Variants in KIF3C observed in about 807,000 individuals in gnomAD.
KIF3C encodes the protein kinesin family member 3C.
In KIF3C, 12 loss-of-function variants were observed where a neutral mutation model predicts 67.7. The observed-to-expected ratio is 0.18, with a 90% CI of 0.11 to 0.29. The LOEUF (loss-of-function observed/expected upper bound fraction) is 0.29, where lower values mean the gene tolerates loss of function less well. Ranked by LOEUF, KIF3C falls within the 10% of genes least tolerant of loss-of-function variation. The probability of loss-of-function intolerance (pLI) is 1.00; values close to 1 mark genes in which losing one functional copy is unlikely to be tolerated. For missense variants in KIF3C, 789 were observed against 1,059.6 expected (o/e 0.74, Z 3.55); for synonymous variants, 393 against 426.2 (o/e 0.92, Z 0.96).
intron 1 of KIF3C, among the ~76,000 whole-genome samples, chr2:25,979,458 G>A (rs1444161513): frequency 6.6e-6 from 1 of 152,274 alleles, no homozygotes; most frequent in East Asian, 1.9e-4. Context: ...GATAGGTAGA[G>A]CCTCAGAGAT....
intron 5 of KIF3C, among the ~76,000 whole-genome samples, chr2:25,931,188 G>A (rs1266587620): frequency 2.0e-5 from 3 of 152,120 alleles, no homozygotes; most frequent in Admixed American, 6.6e-5. Context: ...CAGGTGCAGT[G>A]GCTCACACCT....
chr2:25,949,648 T>C (rs1004931432), intron 5 of KIF3C, among the ~76,000 whole-genome samples: 11 of 152,004 alleles, frequency 7.2e-5, no homozygotes, highest in African/African-American at 2.7e-4. Context: ...TGTAAAGAAA[T>C]TCCTTCACCT....
intron 1 of KIF3C, among the ~76,000 whole-genome samples, chr2:25,957,676 A>G (rs1159344588): frequency 6.6e-6 from 1 of 152,134 alleles, no homozygotes. Context: ...GCAGGAGACC[A>G]CCTGTAAGAG....
chr2:25,945,908 C>CA (rs761656949), intron 5 of KIF3C, among the ~76,000 whole-genome samples: 1 of 152,004 alleles, frequency 6.6e-6, no homozygotes, highest in East Asian at 1.9e-4. Flanking sequence ...GTCAGGAGTT[C>CA]AAAACCAGCC....
intron 1 of KIF3C, among the ~76,000 whole-genome samples, chr2:25,966,872 A>G (rs1388628409): frequency 1.3e-5 from 2 of 152,206 alleles, no homozygotes; most frequent in Non-Finnish European, 2.9e-5. Flanking sequence ...TGATGCTCAC[A>G]AGAACCTTAT....
At chr2:25,967,303 C>T (rs1481894929) in intron 1 of KIF3C, among the ~76,000 whole-genome samples, 3 of 152,030 alleles carry the variant, frequency 2.0e-5, no homozygotes, top group South Asian at 4.1e-4. Context: ...GCTAAAAACT[C>T]TGGGAAAATA....
chr2:25,963,196 A>ATATAT (rs1190713944), intron 1 of KIF3C, among the ~76,000 whole-genome samples: 5 of 43,298 alleles, frequency 1.2e-4, no homozygotes, highest in Non-Finnish European at 1.5e-4. Flanking sequence ...ATATATATAT[A>ATATAT]TTTTTTTTTT....
At chr2:25,965,633 T>C (rs1175714172) in intron 1 of KIF3C, among the ~76,000 whole-genome samples, 1 of 151,550 alleles carries the variant, frequency 6.6e-6, no homozygotes, top group Non-Finnish European at 1.5e-5. Context: ...TTTTTAGAGA[T>C]CTCTATCCTT....
Position 25,980,956 on chromosome 2 carries a change from T to C in KIF3C, c.962A>G (p.Lys321Arg), listed in dbSNP as rs757486887. Residue 321 changes from lysine to arginine, a missense_variant, in exon 1 of 8, where the codon AAG (lysine) becomes AGG (arginine). Lys to Arg is a conservative substitution (Grantham distance 26). Around this residue, in one of 2 missense-constraint regions of KIF3C, gnomAD observed 648 missense variants for 807.8 expected, o/e 0.80. Transcript: ENST00000264712. This position sits in a 1 kb window ranked among gnomAD's most constrained non-coding sequence, Gnocchi z 7.6. ...GGAGTCCTGGAGCAGCCGGGTCAGC[T>C]TGGAGTCCCGGTAGGGAATGTGGGT... ...RSTHIPYRDS[K>R]LTRLLQDSLG... The C allele has an allele frequency of 7.4e-6, 12 of 1,614,046 alleles. No individual in the cohort carries two copies. The highest frequency in any genetic ancestry group is 1.3e-5 in the African/African-American group (1 of 74,922).
At chr2:25,945,499 G>T (rs574072350) in intron 5 of KIF3C, among the ~76,000 whole-genome samples, 1 of 149,670 alleles carries the variant, frequency 6.7e-6, no homozygotes, top group African/African-American at 2.5e-5. Flanking sequence ...CCCAGGAGGC[G>T]GAGGGTGCAG....
At chr2:25,959,252 G>A (rs1663885365) in intron 1 of KIF3C, among the ~76,000 whole-genome samples, 1 of 152,100 alleles carries the variant, frequency 6.6e-6, no homozygotes, top group African/African-American at 2.4e-5. Context: ...GGCCCCCTCA[G>A]TAACCAGGCC....
At chr2:25,953,647 A>G (rs1663707883) in intron 4 of KIF3C, among the ~76,000 whole-genome samples, 2 of 147,856 alleles carry the variant, frequency 1.4e-5, no homozygotes, top group Admixed American at 1.4e-4. Context: ...GGCATGAGCC[A>G]CTGCGCCCGG....
Position 25,981,011 on chromosome 2 carries a change from C to G in KIF3C, c.907G>C (p.Val303Leu). The change falls in exon 1 of 8, where the codon GTG becomes CTG. Residue 303 changes from valine (V) to leucine (L), a missense_variant. Val to Leu is a conservative substitution (Grantham distance 32). Coordinates refer to ENST00000264712, the MANE Select transcript of KIF3C (RefSeq NM_002254.8). The surrounding 1 kb of genome is among the most constrained non-coding windows in gnomAD (Gnocchi z 8.2). The stretch of plus-strand genomic sequence containing the variant: ...CTGTTGCCCGCCAGGGCAGCAATCA[C>G]GTTGCCCAGGGCAGATAATGAGAGG... ...INLSLSALGN[V>L]IAALAGNRST... 6.2e-7 allele frequency: 1 copy of G among 1,614,202 alleles called. No homozygotes were observed. The highest frequency in any genetic ancestry group is 8.5e-7 in the Non-Finnish European group (1 of 1,180,036).
chr2:25,951,943 G>T, intron 4 of KIF3C, 38 bp from the exon 5 acceptor site: 1 of 1,394,266 alleles, frequency 7.2e-7, no homozygotes, highest in South Asian at 1.2e-5. Context: ...GAAAATGGGT[G>T]AGCGAGAGAC....
intron 5 of KIF3C, among the ~76,000 whole-genome samples, chr2:25,947,444 G>C (rs1208914634): frequency 6.6e-6 from 1 of 151,730 alleles, no homozygotes; most frequent in Non-Finnish European, 1.5e-5. Flanking sequence ...AGCCGGGTGT[G>C]GTGGCAGGCA....
intron 1 of KIF3C, among the ~76,000 whole-genome samples, chr2:25,977,832 C>A (rs768201839): frequency 1.6e-4 from 25 of 152,136 alleles, no homozygotes; most frequent in Non-Finnish European, 3.4e-4. Context: ...CTGAACCAGG[C>A]GGTGCCTTGG....
In KIF3C at chr2:25,980,664, C is replaced by A. The variant is rs144580103; in HGVS notation, c.1254G>T (p.Pro418=). Residue 418 remains proline (P), a synonymous_variant, in exon 1 of 8, where the codon CCG becomes CCT. Coordinates refer to ENST00000264712, the MANE Select transcript of KIF3C (RefSeq NM_002254.8). This position sits in a 1 kb window ranked among gnomAD's most constrained non-coding sequence, Gnocchi z 7.6. The stretch of plus-strand genomic sequence containing the variant: ...TCACTGGGCCCTCAGGGTACCCAGG[C>A]GGGGCGGACACGGCCTTCTTCCTGC... ...SSRRKKAVSA[P]PGYPEGPVIE... is the part of the protein sequence containing the mutation. The A allele has an allele frequency of 6.2e-7, 1 of 1,614,058 alleles. No homozygotes were observed. The highest frequency in any genetic ancestry group is 1.1e-5 in the South Asian group (1 of 91,080).
chr2:25,963,196 ATTTTTTT>A (rs1165957083), intron 1 of KIF3C, among the ~76,000 whole-genome samples: 30 of 43,282 alleles, frequency 6.9e-4, no homozygotes, highest in South Asian at 1.4e-3. Context: ...ATATATATAT[ATTTTTTT>A]TTTTTTTTTT....
Position 25,958,845 on chromosome 2 carries a change from C to T in KIF3C, c.1546-2401G>A, listed in dbSNP as rs2149235780. ...ATCCCGGCACTTTGGGAGGCCAAGG[C>T]AGGCGGATCACCTGAGGTTGGGAGT... On this transcript the variant is annotated intron_variant, in intron 1 of 7. Transcript: ENST00000264712. The surrounding 1 kb of genome is among the most constrained non-coding windows in gnomAD (Gnocchi z 4.5). 6.6e-6 allele frequency among the ~76,000 whole-genome samples: 1 copy of T among 152,200 alleles called. No individual in the cohort carries two copies. Among genetic ancestry groups the T allele is most frequent in the Admixed American group, 6.5e-5 (1 of 15,284 alleles).
Sources: allele counts gnomAD v4.1 joint callset (sites outside exome capture counted in the v4.1 genomes callset), GRCh38; gene constraint gnomAD v4.1.1; regional missense constraint gnomAD v4.1.1; non-coding constraint Gnocchi (gnomAD v3.1); transcripts MANE v1.5; gene names NCBI Gene and HGNC (gene_info 2026-07-23, HGNC 2026-07-21).